Variants in BDP1 observed in about 807,000 individuals in gnomAD.
The protein encoded by BDP1 is transcription factor TFIIIB component B'' homolog.
In BDP1, 169 loss-of-function variants were observed where a neutral mutation model predicts 266.6. That is an observed-to-expected ratio of 0.63 (90% CI 0.56 to 0.72). The LOEUF (loss-of-function observed/expected upper bound fraction) is 0.72. Ranked by LOEUF, BDP1 falls within the 30% of genes least tolerant of loss-of-function variation. BDP1 has a pLI of 0.00. For synonymous variants in BDP1, 1,090 were observed against 1,022.4 expected (o/e 1.07, Z -1.26); for missense variants, 3,015 against 3,053.8 (o/e 0.99, Z 0.30).
chr5:71,478,275 C>CA (rs1762722253), intron 7 of BDP1, among the ~76,000 whole-genome samples: 2 of 151,814 alleles, frequency 1.3e-5, no homozygotes, highest in Admixed American at 1.3e-4. Context: ...AACAAGCAAA[C>CA]AAAAAAACAG....
At chr5:71,517,538 T>G in intron 22 of BDP1, 86 bp downstream of exon 22, 1 of 1,152,772 alleles carries the variant, frequency 8.7e-7, no homozygotes, top group Non-Finnish European at 1.2e-6. Context: ...TATTAATAAC[T>G]TCACATCCTG....
chr5:71,514,171 G>A (rs748838167), intron 19 of BDP1, among the ~76,000 whole-genome samples: 7 of 152,056 alleles, frequency 4.6e-5, no homozygotes, highest in Admixed American at 6.6e-5. Context: ...ACATTGAAAC[G>A]AAATGAATAA....
chr5:71,466,082 T>TA lies in BDP1; in HGVS notation c.660-14_660-13insA. ...TCATGCCTTTGTGAATTAACTTATC[T>TA]TTATATGTGGTAGGCAAGAAGGTAA... On this transcript the variant is annotated splice_polypyrimidine_tract_variant and intron_variant, in intron 4 of 38. Transcript: ENST00000358731. 6 of 1,611,222 alleles carry TA rather than the reference T, an allele frequency of 3.7e-6. No homozygotes were observed. The highest frequency in any genetic ancestry group is 5.1e-6 in the Non-Finnish European group (6 of 1,178,984).
intron 7 of BDP1, among the ~76,000 whole-genome samples, chr5:71,481,328 A>T (rs919998211): frequency 5.1e-5 from 7 of 136,234 alleles, no homozygotes; most frequent in African/African-American, 1.9e-4. Context: ...AGACGGGAGG[A>T]TTGCTTGAGC....
intron 26 of BDP1, among the ~76,000 whole-genome samples, chr5:71,534,408 A>T (rs1434417203): frequency 2.0e-5 from 3 of 152,084 alleles, no homozygotes; most frequent in Non-Finnish European, 4.4e-5. Context: ...GTATGGGTTT[A>T]TTTCTGAATT....
At chr5:71,520,230 A>C (rs1765429479) in intron 22 of BDP1, among the ~76,000 whole-genome samples, 1 of 151,928 alleles carries the variant, frequency 6.6e-6, no homozygotes, top group Non-Finnish European at 1.5e-5. Context: ...GATAGTTGGG[A>C]ATTTTTTCTC....
rs9687593 is a variant in BDP1 at position 71,458,740 on chromosome 5, C to T, written c.374C>T (p.Ala125Val). Residue 125 changes from alanine (A) to valine (V), a missense_variant, in exon 2 of 39, where the codon GCT becomes GTT. Around this residue, in one of 3 missense-constraint regions of BDP1, gnomAD observed 2,383 missense variants for 2,404.9 expected, o/e 0.99. Transcript: ENST00000358731. ...CCCTTATCTACAATTAATCAAGAGG[C>T]TCCACAGCCAACTGCCACTTCAACA... ...SHPLSTINQEAPQPTATSTKE... is the reference protein window; with the variant it reads ...SHPLSTINQEVPQPTATSTKE... 2.3e-3 allele frequency: 3,708 copies of T among 1,614,064 alleles called. 82 individuals are homozygous for T. In the African/African-American group the frequency reaches 0.044, roughly 19 times the overall value.
At chr5:71,564,664 A>G (rs1305763576) in intron 38 of BDP1, 90 bp from the exon 39 acceptor site, 33 of 1,149,718 alleles carry the variant, frequency 2.9e-5, no homozygotes, top group Non-Finnish European at 4.0e-5. Context: ...AACAGATCAT[A>G]TTGGTTTAGA....
rs765371793 is a variant in BDP1 at position 71,564,808 on chromosome 5, G to C, written c.7798G>C (p.Ala2600Pro). Residue 2600 changes from alanine (A) to proline (P), a missense_variant, in exon 39 of 39, where the codon GCC (alanine) becomes CCC (proline). Ala to Pro is a conservative substitution (Grantham distance 27, BLOSUM62 -1). Transcript: ENST00000358731. ...AGGATATAAAAGTGCCCAAAAGCGGGCCCCTCAAGGGGAGGCAACCACAGT... is the reference window on the plus strand; with the variant it reads ...AGGATATAAAAGTGCCCAAAAGCGGCCCCCTCAAGGGGAGGCAACCACAGT... ...KEGYKSAQKRAPQGEATTVSE... is the reference protein window; with the variant it reads ...KEGYKSAQKRPPQGEATTVSE... 6.2e-7 allele frequency: 1 copy of C among 1,611,382 alleles called. No individual in the cohort carries two copies. The highest frequency in any genetic ancestry group is 1.3e-5 in the African/African-American group (1 of 74,792).
intron 10 of BDP1, among the ~76,000 whole-genome samples, chr5:71,490,522 A>G (rs1029901976): frequency 1.3e-5 from 2 of 152,112 alleles, no homozygotes; most frequent in Non-Finnish European, 2.9e-5. Flanking sequence ...CTCTGAACTC[A>G]GGGGGTTCTC....
At position 71,522,544 on chromosome 5, in the gene BDP1, T is replaced by C. The variant is rs1197573123; in HGVS notation, c.5193+54T>C. 3 of 1,464,396 alleles carry C rather than the reference T, an allele frequency of 2.0e-6. No homozygotes were observed. The Admixed American group carries it at 6.5e-5, about 32-fold the overall frequency. 90.7% of individuals were successfully genotyped at this position (1,464,396 alleles called of 1,614,324 possible). On this transcript the variant is annotated intron_variant, in intron 23 of 38. Transcript: ENST00000358731. ...TTTTTTTTCTCAATGAGGTCTGTTT[T>C]GTCAAGATCATGAAGAGCATGAGTA...
intron 1 of BDP1, among the ~76,000 whole-genome samples, chr5:71,457,232 A>G (rs1279794702): frequency 6.9e-6 from 1 of 145,862 alleles, no homozygotes; most frequent in African/African-American, 2.5e-5. Flanking sequence ...TTTTTTTTTG[A>G]GTTGACATTT....
intron 16 of BDP1, among the ~76,000 whole-genome samples, chr5:71,507,748 T>C (rs1400538265): frequency 6.6e-6 from 1 of 152,242 alleles, no homozygotes; most frequent in Non-Finnish European, 1.5e-5. Flanking sequence ...CTTTATTGAT[T>C]GCTGTTAATT....
intron 7 of BDP1, among the ~76,000 whole-genome samples, chr5:71,480,889 A>G (rs1762914677): frequency 6.6e-6 from 1 of 152,212 alleles, no homozygotes; most frequent in South Asian, 2.1e-4. Flanking sequence ...TTGAAATTGC[A>G]TACTAGGCCA....
chr5:71,522,528 T>C (rs1765555649), intron 23 of BDP1, 38 bp downstream of exon 23: 2 of 1,482,262 alleles, frequency 1.3e-6, no homozygotes, highest in East Asian at 4.5e-5. Flanking sequence ...ATTTTTTTTC[T>C]CAATGAGGTC....
At chr5:71,525,164 G>A (rs913258618) in intron 25 of BDP1, among the ~76,000 whole-genome samples, 10 of 152,304 alleles carry the variant, frequency 6.6e-5, no homozygotes, top group Non-Finnish European at 1.0e-4. Context: ...CCTCGCAGAC[G>A]GGGTGGTGGC....
chr5:71,462,572 G>A (rs1761644533), intron 3 of BDP1, among the ~76,000 whole-genome samples: 2 of 150,942 alleles, frequency 1.3e-5, no homozygotes, highest in African/African-American at 4.9e-5. Flanking sequence ...CGGGCAACAT[G>A]GTGAAACCCT....
chr5:71,510,506 T>A lies in BDP1; in HGVS notation c.3414T>A (p.Thr1138=). 1.2e-6 allele frequency: 2 copies of A among 1,613,316 alleles called. No individual in the cohort carries two copies. Among genetic ancestry groups the A allele is most frequent in the South Asian group, 2.2e-5 (2 of 91,040 alleles). The part of the protein sequence containing the change: ...REKTPEVIDA[T]EEIDKDLEET... ...AGACACCAGAGGTGATTGATGCCAC[T>A]GAGGAAATAGACAAAGATCTGGAAG... Residue 1138 remains threonine (T), a synonymous_variant, in exon 17 of 39, where the codon ACT becomes ACA. Coordinates refer to ENST00000358731, the MANE Select transcript of BDP1 (RefSeq NM_018429.3).
Position 71,549,065 on chromosome 5 carries a change from A to T in BDP1, c.6808+320A>T, listed in dbSNP as rs376019321. Among the ~76,000 whole-genome samples the T allele has an allele frequency of 4.6e-5, 7 of 152,212 alleles. No homozygotes were observed. In the East Asian group the frequency reaches 1.2e-3, roughly 25 times the overall value. ...ACCAGCCTGGCCAACATGGTGAAAC[A>T]CCATCTCTACTAAAAATACAAAACT... On this transcript the variant is annotated intron_variant, in intron 33 of 38. Transcript: ENST00000358731.
Sources: gnomAD v4.1 joint callset for allele counts (sites outside exome capture counted in the v4.1 genomes callset) on GRCh38, gnomAD v4.1.1 for gene constraint, gnomAD v4.1.1 regional missense constraint, MANE v1.5 for transcripts, NCBI Gene and HGNC (gene_info 2026-07-23, HGNC 2026-07-21) for gene names.